The following ULK2 variants were observed in gnomAD, a reference collection of about 807,000 sequenced individuals.
The protein encoded by ULK2 is unc-51 like autophagy activating kinase 2.
A neutral mutation model predicts 127.5 loss-of-function variants in ULK2; 76 were observed. The ratio of observed to expected loss-of-function variants is 0.60; its 90% confidence interval spans 0.50 to 0.72. The LOEUF is 0.72. Among genes scored for constraint, ULK2 ranks in the 30% least tolerant of loss-of-function variants. The probability of loss-of-function intolerance (pLI) is 0.00; values close to 1 mark genes in which losing one functional copy is unlikely to be tolerated. For missense variants in ULK2, 1,144 were observed against 1,295.9 expected (o/e 0.88, Z 1.80); for synonymous variants, 452 against 461.9 (o/e 0.98, Z 0.28).
Position 19,775,770 on chromosome 17 carries a change from T to C in ULK2, c.*579A>G, listed in dbSNP as rs529707113. The C allele has an allele frequency of 6.5e-6, 1 of 152,776 alleles. No individual in the cohort carries two copies. The highest frequency in any genetic ancestry group is 6.5e-5 in the Admixed American group (1 of 15,308). The allele number at this position is 152,776 out of a possible 1,614,324, so 9.5% of individuals were successfully genotyped here. On this transcript the variant is annotated 3_prime_UTR_variant, in exon 27 of 27. Coordinates refer to ENST00000395544, the MANE Select transcript of ULK2 (RefSeq NM_014683.4). Reference sequence around the variant, plus strand: ...ATAAATTAGTGCAATATGAAAGATTTTGGAAGATTAACATGTATCCATATT... The same window carrying C: ...ATAAATTAGTGCAATATGAAAGATTCTGGAAGATTAACATGTATCCATATT...
intron 13 of ULK2, 56 bp downstream of exon 13, chr17:19,816,693 G>T: frequency 7.0e-7 from 1 of 1,428,786 alleles, no homozygotes; most frequent in Non-Finnish European, 9.2e-7. Flanking sequence ...TTAAAAAAAA[G>T]ATGCTAGTTT....
At chr17:19,849,033 A>G (rs542047929) in intron 5 of ULK2, among the ~76,000 whole-genome samples, 90 of 152,306 alleles carry the variant, frequency 5.9e-4, no homozygotes, top group African/African-American at 2.1e-3. Flanking sequence ...TAATTTTGAA[A>G]GAAACGAAAC....
intron 3 of ULK2, among the ~76,000 whole-genome samples, chr17:19,852,060 A>T (rs916916984): frequency 2.6e-5 from 4 of 151,212 alleles, no homozygotes; most frequent in African/African-American, 9.7e-5. Flanking sequence ...AAAAAAAAAA[A>T]AAAAAAATAC....
At chr17:19,791,844 C>CAAAAAAAA (rs58434256) in intron 20 of ULK2, among the ~76,000 whole-genome samples, 25 of 48,070 alleles carry the variant, frequency 5.2e-4, no homozygotes, top group Non-Finnish European at 5.9e-4. Context: ...ACCCTGTTTA[C>CAAAAAAAA]AAAAAAAAAA....
chr17:19,794,948 G>A lies in ULK2; in HGVS notation c.2101+674C>T, dbSNP rs758924524. On this transcript the variant is annotated intron_variant, in intron 20 of 26. Transcript: ENST00000395544. ...AAAAAAATTAGCCAGGCGTAGTGGCGGGCGCCTATAGTCCCAACTACTTGG... is the reference window on the plus strand; with the variant it reads ...AAAAAAATTAGCCAGGCGTAGTGGCAGGCGCCTATAGTCCCAACTACTTGG... Among the ~76,000 whole-genome samples the A allele has an allele frequency of 3.3e-5, 5 of 151,828 alleles. No homozygotes were observed. The East Asian group carries it at 9.7e-4, about 29-fold the overall frequency.
At position 19,774,983 on chromosome 17, in the gene ULK2, C is replaced by T. The variant is rs138495840; in HGVS notation, c.*1366G>A. ...TAAGGTAAAAATTACATTACTTTGT[C>T]AAAGTAAAGGAAAACCATGTTTGTT... On this transcript the variant is annotated 3_prime_UTR_variant, in exon 27 of 27. Coordinates refer to ENST00000395544, the MANE Select transcript of ULK2 (RefSeq NM_014683.4). 6.6e-6 allele frequency: 1 copy of T among 152,454 alleles called. No homozygotes were observed. The highest frequency in any genetic ancestry group is 1.5e-5 in the Non-Finnish European group (1 of 68,004). The allele number at this position is 152,454 out of a possible 1,614,324, so 9.4% of individuals were successfully genotyped here.
At chr17:19,803,282 TCTCA>T (rs766863489) in intron 15 of ULK2, among the ~76,000 whole-genome samples, 12 of 152,308 alleles carry the variant, frequency 7.9e-5, no homozygotes, top group East Asian at 5.8e-4. Context: ...TATGTGTACA[TCTCA>T]CTCAAAGATT....
Position 19,783,897 on chromosome 17 carries a change from T to A in ULK2, c.2260A>T (p.Ser754Cys). 6.6e-7 allele frequency: 1 copy of A among 1,514,898 alleles called. No individual in the cohort carries two copies. The highest frequency in any genetic ancestry group is 8.8e-7 in the Non-Finnish European group (1 of 1,130,342). 93.8% of individuals were successfully genotyped at this position (1,514,898 alleles called of 1,614,324 possible). A position where few individuals can be genotyped will look rare whatever the true frequency, so the allele number is the denominator to read the frequency against. ...LRTRTTSVGP[S>C]NSGGSLCAMS... The stretch of plus-strand genomic sequence containing the variant: ...GCACAAAGAGAGCCCCCGGAGTTGC[T>A]GGGCCCCACTACAAGGAAACAGAGG... The change falls in exon 22 of 27, where the codon AGC (serine) becomes TGC (cysteine). Residue 754 changes from serine to cysteine, a missense_variant. By Grantham distance (112) the Ser-to-Cys change is moderately radical (BLOSUM62 -1). Transcript: ENST00000395544.
intron 3 of ULK2, among the ~76,000 whole-genome samples, chr17:19,858,263 G>A (rs1441403765): frequency 3.3e-5 from 5 of 152,078 alleles, no homozygotes; most frequent in Non-Finnish European, 5.9e-5. Flanking sequence ...AGCCAGGCAT[G>A]GTGGTGCCTG....
At chr17:19,829,551 G>GGGGGT (rs2041381507) in intron 10 of ULK2, among the ~76,000 whole-genome samples, 1 of 141,690 alleles carries the variant, frequency 7.1e-6, no homozygotes, top group African/African-American at 2.6e-5. Context: ...AAAAAAAAGG[G>GGGGGT]GGGGGGCTGG....
chr17:19,831,214 T>G, intron 10 of ULK2, among the ~76,000 whole-genome samples: 1 of 152,006 alleles, frequency 6.6e-6, no homozygotes, highest in East Asian at 1.9e-4. Context: ...TCAGATCTTG[T>G]GAGAACTCAC....
intron 3 of ULK2, among the ~76,000 whole-genome samples, chr17:19,853,575 C>CTT (rs112448802): frequency 1.4e-5 from 2 of 144,210 alleles, no homozygotes; most frequent in Non-Finnish European, 1.5e-5. Flanking sequence ...GCCCCACCTT[C>CTT]TTTTTTTTTT....
chr17:19,821,724 G>C (rs575166250), intron 12 of ULK2, among the ~76,000 whole-genome samples: 5 of 151,610 alleles, frequency 3.3e-5, no homozygotes, highest in African/African-American at 4.9e-5. Context: ...TTTTTTAAAG[G>C]CTTCCTAAAA....
chr17:19,850,236 C>T (rs9914597), intron 3 of ULK2, among the ~76,000 whole-genome samples: 4,728 of 152,186 alleles, frequency 0.031, 238 homozygotes, highest in African/African-American at 0.11. Flanking sequence ...TGACTCAGGA[C>T]GCCTGGTTTT....
At chr17:19,855,057 G>A (rs1043702312) in intron 3 of ULK2, among the ~76,000 whole-genome samples, 7 of 146,720 alleles carry the variant, frequency 4.8e-5, no homozygotes, top group African/African-American at 1.5e-4. Flanking sequence ...CTGAGAGTGC[G>A]CCACTGTACT....
At chr17:19,837,289 G>C (rs564427724) in intron 10 of ULK2, among the ~76,000 whole-genome samples, 1 of 152,014 alleles carries the variant, frequency 6.6e-6, no homozygotes, top group East Asian at 1.9e-4. Flanking sequence ...AGGTGGTGTT[G>C]TACACCTGTA....
chr17:19,853,382 C>A (rs2042059478), intron 3 of ULK2, among the ~76,000 whole-genome samples: 1 of 151,978 alleles, frequency 6.6e-6, no homozygotes, highest in South Asian at 2.1e-4. Context: ...AAGCGATCTG[C>A]CCAGCTTGCC....
At chr17:19,820,271 T>G (rs370886382) in intron 12 of ULK2, among the ~76,000 whole-genome samples, 1 of 152,084 alleles carries the variant, frequency 6.6e-6, no homozygotes, top group African/African-American at 2.4e-5. Context: ...ATGGTCTCAG[T>G]CTCTTGACCT....
intron 7 of ULK2, 73 bp from the exon 8 acceptor site, chr17:19,843,295 G>A: frequency 1.0e-6 from 1 of 982,104 alleles, no homozygotes; most frequent in East Asian, 2.7e-5. Flanking sequence ...TAATTAACTG[G>A]TAAAGGTGAC....
Sources: allele counts gnomAD v4.1 joint callset (sites outside exome capture counted in the v4.1 genomes callset), GRCh38; gene constraint gnomAD v4.1.1; transcripts MANE v1.5; gene names NCBI Gene and HGNC (gene_info 2026-07-23, HGNC 2026-07-21).